Variants in FMN2 observed in about 807,000 individuals in gnomAD.
The protein encoded by FMN2 is formin 2.
A neutral mutation model predicts 142.3 loss-of-function variants in FMN2; 51 were observed. The ratio of observed to expected loss-of-function variants is 0.36; its 90% CI spans 0.29 to 0.45. The LOEUF (loss-of-function observed/expected upper bound fraction) is 0.45, where lower values mean the gene tolerates loss of function less well. Ranked by LOEUF, FMN2 falls within the 20% of genes least tolerant of loss-of-function variation. FMN2 has a pLI of 1.00. For missense variants in FMN2, 1,936 were observed against 2,122.8 expected (o/e 0.91, Z 1.73); for synonymous variants, 882 against 869.8 (o/e 1.01, Z -0.25).
intron 16 of FMN2, among the ~76,000 whole-genome samples, chr1:240,455,678 TA>T (rs1450756826): frequency 6.6e-6 from 1 of 151,852 alleles, no homozygotes; most frequent in Non-Finnish European, 1.5e-5. Context: ...ACTCTGTCTC[TA>T]AAAAAATAAT....
chr1:240,466,526 G>A (rs2103239254), intron 16 of FMN2, among the ~76,000 whole-genome samples: 1 of 152,272 alleles, frequency 6.6e-6, no homozygotes, highest in South Asian at 2.1e-4. Context: ...CTAGAAAACA[G>A]CTTCAACTGA....
intron 3 of FMN2, among the ~76,000 whole-genome samples, chr1:240,186,448 G>A (rs1422235853): frequency 6.6e-6 from 1 of 152,188 alleles, no homozygotes; most frequent in Non-Finnish European, 1.5e-5. Flanking sequence ...TGGAATAAGA[G>A]GTATAAATAA....
chr1:240,296,438 C>CTTTTT (rs772711130), intron 8 of FMN2, among the ~76,000 whole-genome samples: 67 of 46,870 alleles, frequency 1.4e-3, no homozygotes, highest in African/African-American at 2.1e-3. Context: ...TCTTTGAGTG[C>CTTTTT]TTTTTTTTTT....
At chr1:240,228,449 A>G (rs916675910) in intron 6 of FMN2, among the ~76,000 whole-genome samples, 3 of 152,026 alleles carry the variant, frequency 2.0e-5, no homozygotes, top group African/African-American at 7.2e-5. Context: ...CAACACTATT[A>G]GCATTAGGGA....
chr1:240,145,778 G>A lies in FMN2; in HGVS notation c.1782+22433G>A, dbSNP rs1253095276. ...TCCTGCCTCAGCCTCCCAAAGTGCTGGAATCACAGGTATGAGTGAGGGTGC... is the reference window on the plus strand; with the variant it reads ...TCCTGCCTCAGCCTCCCAAAGTGCTAGAATCACAGGTATGAGTGAGGGTGC... On this transcript the variant is annotated intron_variant, in intron 2 of 17. Coordinates refer to ENST00000319653, the MANE Select transcript of FMN2 (RefSeq NM_020066.5). Among the ~76,000 whole-genome samples the A allele has an allele frequency of 3.3e-5, 5 of 151,976 alleles. No individual in the cohort carries two copies. In the East Asian group the frequency reaches 9.8e-4, roughly 30 times the overall value.
intron 6 of FMN2, among the ~76,000 whole-genome samples, chr1:240,248,510 A>T (rs1043088576): frequency 6.6e-6 from 1 of 150,662 alleles, no homozygotes; most frequent in African/African-American, 2.4e-5. Context: ...TTGTCCATTG[A>T]TGGACACAGG....
At chr1:240,324,000 T>A (rs1671067494) in intron 8 of FMN2, among the ~76,000 whole-genome samples, 1 of 152,202 alleles carries the variant, frequency 6.6e-6, no homozygotes, top group Non-Finnish European at 1.5e-5. Flanking sequence ...AAGGAACACC[T>A]GTCACACTGT....
intron 2 of FMN2, among the ~76,000 whole-genome samples, chr1:240,130,557 G>C (rs1249284577): frequency 1.3e-5 from 2 of 152,154 alleles, no homozygotes; most frequent in African/African-American, 4.8e-5. Context: ...ACCTGCCTCA[G>C]CCTTCCAAAA....
chr1:240,406,713 A>T (rs1674214353), intron 15 of FMN2, among the ~76,000 whole-genome samples: 1 of 152,176 alleles, frequency 6.6e-6, no homozygotes, highest in Non-Finnish European at 1.5e-5. Context: ...GCAAATTCTC[A>T]AAAGGGTGAA....
chr1:240,403,818 G>T (rs1674065844), intron 15 of FMN2, among the ~76,000 whole-genome samples: 1 of 152,086 alleles, frequency 6.6e-6, no homozygotes, highest in Non-Finnish European at 1.5e-5. Context: ...GTACTCAATG[G>T]ATCTCATAGG....
At chr1:240,232,908 G>C (rs1667575542) in intron 6 of FMN2, among the ~76,000 whole-genome samples, 1 of 151,998 alleles carries the variant, frequency 6.6e-6, no homozygotes, top group African/African-American at 2.4e-5. Flanking sequence ...TCTTACTGTG[G>C]CCTTGCTGTT....
At chr1:240,186,322 A>G (rs1312984416) in intron 3 of FMN2, among the ~76,000 whole-genome samples, 3 of 152,106 alleles carry the variant, frequency 2.0e-5, no homozygotes, top group African/African-American at 7.2e-5. Flanking sequence ...CACTCCTACA[A>G]TTACTCAACA....
chr1:240,214,858 G>C (rs114142344), intron 6 of FMN2, among the ~76,000 whole-genome samples: 224 of 152,246 alleles, frequency 1.5e-3, no homozygotes, highest in African/African-American at 5.1e-3. Flanking sequence ...TTGAGCCCAG[G>C]ATTTCGAGAC....
chr1:240,403,659 A>G (rs1674059742), intron 15 of FMN2, among the ~76,000 whole-genome samples: 1 of 152,200 alleles, frequency 6.6e-6, no homozygotes. Context: ...AAGATTATAT[A>G]TAACTAATCT....
chr1:240,246,797 A>G (rs2102877834), intron 6 of FMN2, among the ~76,000 whole-genome samples: 2 of 152,342 alleles, frequency 1.3e-5, no homozygotes, highest in Admixed American at 1.3e-4. Flanking sequence ...AGAATTATTA[A>G]GAGACGTGAC....
intron 6 of FMN2, among the ~76,000 whole-genome samples, chr1:240,233,311 G>T (rs1558383500): frequency 3.3e-5 from 5 of 151,754 alleles, no homozygotes; most frequent in Admixed American, 3.3e-4. Context: ...AACCCTGGAG[G>T]TGAACAGAAG....
At chr1:240,439,242 C>A (rs1675515026) in intron 16 of FMN2, among the ~76,000 whole-genome samples, 1 of 133,018 alleles carries the variant, frequency 7.5e-6, no homozygotes, top group South Asian at 2.5e-4. Context: ...CACTGAACTT[C>A]AGCCTGGACA....
intron 7 of FMN2, among the ~76,000 whole-genome samples, chr1:240,270,223 G>C (rs1277510166): frequency 6.6e-6 from 1 of 152,008 alleles, no homozygotes; most frequent in Non-Finnish European, 1.5e-5. Context: ...CAATTTGTTG[G>C]GAGTTTTTAT....
At chr1:240,158,361 A>C (rs1038487059) in intron 2 of FMN2, among the ~76,000 whole-genome samples, 1 of 152,116 alleles carries the variant, frequency 6.6e-6, no homozygotes, top group African/African-American at 2.4e-5. Flanking sequence ...GGGTAAGTCA[A>C]CTGACCTCCC....
Sources: allele counts gnomAD v4.1 joint callset (sites outside exome capture counted in the v4.1 genomes callset), GRCh38; gene constraint gnomAD v4.1.1; transcripts MANE v1.5; gene names NCBI Gene and HGNC (gene_info 2026-07-23, HGNC 2026-07-21).